AMBRA1: variants seen among roughly 807,000 people sequenced by gnomAD.
The protein encoded by AMBRA1 is activating molecule in BECN1-regulated autophagy protein 1.
Under a neutral mutation model 125.4 loss-of-function variants are expected in AMBRA1, and 47 were observed. That is an observed-to-expected ratio of 0.37 (90% CI 0.30 to 0.48). The LOEUF is 0.48. AMBRA1 is among the 20% of genes least tolerant of loss of function. The pLI, the probability that AMBRA1 is intolerant of heterozygous loss-of-function variation, is 0.99. For missense variants in AMBRA1, 1,331 were observed against 1,693.4 expected (o/e 0.79, Z 3.76); for synonymous variants, 626 against 655.5 (o/e 0.95, Z 0.69).
At chr11:46,494,925 T>G (rs374899572) in intron 9 of AMBRA1, 2 of 152,244 alleles carry the variant, frequency 1.3e-5, no homozygotes, top group African/African-American at 4.8e-5. Context: ...GTTATTGATA[T>G]GTTATCCCAT....
In AMBRA1 at chr11:46,532,540, G is replaced by A. The variant is rs1192155024; in HGVS notation, c.2072+9405C>T. Among the ~76,000 whole-genome samples the A allele has an allele frequency of 3.9e-5, 6 of 152,154 alleles. No homozygotes were observed. In the East Asian group the frequency reaches 7.7e-4, roughly 20 times the overall value. Reference sequence around the variant, plus strand: ...CAACCTCTGCCTCCCGGCTTCAAGCGATTCTCTTGCCTCAGCCTCCCAAAT... The same window carrying A: ...CAACCTCTGCCTCCCGGCTTCAAGCAATTCTCTTGCCTCAGCCTCCCAAAT... On this transcript the variant is annotated intron_variant, in intron 7 of 17. Coordinates refer to ENST00000683756, the MANE Select transcript of AMBRA1 (RefSeq NM_001387011.1).
At chr11:46,458,846 C>A in intron 11 of AMBRA1, among the ~76,000 whole-genome samples, 1 of 152,144 alleles carries the variant, frequency 6.6e-6, no homozygotes, top group East Asian at 1.9e-4. Context: ...TCACCATTGG[C>A]CTTAGAAACT....
chr11:46,560,699 A>C (rs2043303778), intron 1 of AMBRA1, among the ~76,000 whole-genome samples: 1 of 152,222 alleles, frequency 6.6e-6, no homozygotes, highest in Admixed American at 6.5e-5. Context: ...AACCAAGAAG[A>C]AACTGAAGCT....
chr11:46,436,650 A>C (rs958065302), intron 12 of AMBRA1, among the ~76,000 whole-genome samples: 1 of 148,038 alleles, frequency 6.8e-6, no homozygotes, highest in African/African-American at 2.6e-5. Context: ...AACAAAAACA[A>C]AAACAAAAAC....
intron 14 of AMBRA1, among the ~76,000 whole-genome samples, chr11:46,421,088 A>G (rs1246874449): frequency 6.6e-6 from 1 of 152,208 alleles, no homozygotes; most frequent in Non-Finnish European, 1.5e-5. Context: ...TTTGCTTCTT[A>G]GTATAGGAAC....
At chr11:46,593,795 G>C (rs1348714149) in intron 1 of AMBRA1, 33 bp downstream of exon 1, 3 of 394,522 alleles carry the variant, frequency 7.6e-6, no homozygotes, top group Non-Finnish European at 1.3e-5. Flanking sequence ...GAAGGATGCC[G>C]GGCTGGGCCT....
At chr11:46,452,482 T>G (rs1195488713) in intron 11 of AMBRA1, among the ~76,000 whole-genome samples, 1 of 152,164 alleles carries the variant, frequency 6.6e-6, no homozygotes, top group Non-Finnish European at 1.5e-5. Flanking sequence ...CCTACCTAGC[T>G]TTGGTTACTT....
chr11:46,461,013 C>T (rs935060514), intron 11 of AMBRA1, among the ~76,000 whole-genome samples: 5 of 152,166 alleles, frequency 3.3e-5, no homozygotes, highest in African/African-American at 9.7e-5. Context: ...GAGGCTGAGG[C>T]GGGAGGACCC....
At chr11:46,475,939 C>T in intron 11 of AMBRA1, among the ~76,000 whole-genome samples, 1 of 152,150 alleles carries the variant, frequency 6.6e-6, no homozygotes, top group Non-Finnish European at 1.5e-5. Flanking sequence ...TAAACCCTAA[C>T]AGCTATTCTC....
intron 11 of AMBRA1, among the ~76,000 whole-genome samples, chr11:46,468,386 A>G (rs1035713319): frequency 6.6e-6 from 1 of 151,750 alleles, no homozygotes; most frequent in Non-Finnish European, 1.5e-5. Context: ...GAAAAAAAAG[A>G]AAAAAGAAGA....
Position 46,542,300 on chromosome 11 carries a change from T to C in AMBRA1, c.1717A>G (p.Asn573Asp), listed in dbSNP as rs774374127. 1.9e-6 allele frequency: 3 copies of C among 1,613,966 alleles called. No individual in the cohort carries two copies. Among genetic ancestry groups the C allele is most frequent in the Admixed American group, 1.7e-5 (1 of 60,000 alleles). Reference sequence around the variant, plus strand: ...GTATCGTTGTTGAAGGTCAGGAGATTGTGGCAAGCACGACAGCGATTCAGG... The same window carrying C: ...GTATCGTTGTTGAAGGTCAGGAGATCGTGGCAAGCACGACAGCGATTCAGG... Reference protein sequence around the residue: ...GHLNRCRACHNLLTFNNDTLR... With the variant: ...GHLNRCRACHDLLTFNNDTLR... Residue 573 changes from asparagine to aspartate, a missense_variant, in exon 7 of 18, where the codon AAT (asparagine) becomes GAT (aspartate). Physicochemically the swap from Asn to Asp is conservative, Grantham distance 23. Transcript: ENST00000683756. The surrounding 1 kb of genome is among the most constrained non-coding windows in gnomAD (Gnocchi z 5.9).
chr11:46,540,163 T>C (rs1457540218), intron 7 of AMBRA1, among the ~76,000 whole-genome samples: 3 of 152,186 alleles, frequency 2.0e-5, no homozygotes, highest in Admixed American at 6.6e-5. Flanking sequence ...CATCAAACAA[T>C]AGAGTTTATT....
intron 12 of AMBRA1, among the ~76,000 whole-genome samples, chr11:46,436,600 G>A (rs970183126): frequency 3.9e-5 from 6 of 151,908 alleles, no homozygotes; most frequent in Admixed American, 6.5e-5. Flanking sequence ...CACTGGGACC[G>A]TCTGCTACTT....
Position 46,441,970 on chromosome 11 carries a change from C to CTT in AMBRA1, c.2632+1516_2632+1517dup, listed in dbSNP as rs764444865. Among the ~76,000 whole-genome samples, 636 of 116,590 alleles carry CTT rather than the reference C, an allele frequency of 5.5e-3. 10 individuals carry two copies. Among genetic ancestry groups the CTT allele is most frequent in the African/African-American group, 0.02 (579 of 29,206 alleles). 76.5% of individuals were successfully genotyped at this position (116,590 alleles called of 152,430 possible). A position where few individuals can be genotyped will look rare whatever the true frequency, so the allele number is the denominator to read the frequency against. On this transcript the variant is annotated intron_variant, in intron 12 of 17. Transcript: ENST00000683756. ...TGGCTCAGTGCAAAAAAAAAAAAAA[C>CTT]TTTTTTTTTTTTTTTTTTGAGACAG...
At chr11:46,421,017 G>A (rs1946825114) in intron 14 of AMBRA1, among the ~76,000 whole-genome samples, 1 of 152,174 alleles carries the variant, frequency 6.6e-6, no homozygotes, top group Non-Finnish European at 1.5e-5. Context: ...ACAAGCCTCT[G>A]TCACAAATTT....
intron 14 of AMBRA1, among the ~76,000 whole-genome samples, chr11:46,423,394 A>T (rs1475815920): frequency 1.3e-5 from 2 of 151,544 alleles, no homozygotes; most frequent in South Asian, 2.1e-4. Flanking sequence ...TTATTATTTT[A>T]TTTTTTTTCT....
At chr11:46,481,377 T>C (rs1950061058) in intron 11 of AMBRA1, among the ~76,000 whole-genome samples, 1 of 152,168 alleles carries the variant, frequency 6.6e-6, no homozygotes. Flanking sequence ...TCTTCTGAGC[T>C]GAACACACTA....
At chr11:46,434,755 C>T in intron 13 of AMBRA1, 94 bp downstream of exon 13, 3 of 1,340,448 alleles carry the variant, frequency 2.2e-6, no homozygotes, top group South Asian at 3.1e-5. Flanking sequence ...CAGTATGTGA[C>T]CATTACTCCC....
chr11:46,507,436 G>A (rs1375910495), intron 9 of AMBRA1, among the ~76,000 whole-genome samples: 14 of 147,416 alleles, frequency 9.5e-5, no homozygotes, highest in Non-Finnish European at 1.5e-4. Flanking sequence ...CCGAGATAGC[G>A]CCACTGCACT....
Sources: gnomAD v4.1 joint callset for allele counts (sites outside exome capture counted in the v4.1 genomes callset) on GRCh38, gnomAD v4.1.1 for gene constraint, Gnocchi (gnomAD v3.1) non-coding constraint, MANE v1.5 for transcripts, NCBI Gene and HGNC (gene_info 2026-07-23, HGNC 2026-07-21) for gene names.